Variants in CLN3 observed in about 807,000 individuals in gnomAD.
The protein encoded by CLN3 is battenin.
Under a neutral mutation model 60.7 loss-of-function variants are expected in CLN3, and 49 were observed. The observed-to-expected ratio is 0.81, with a 90% CI of 0.64 to 1.02. The LOEUF (loss-of-function observed/expected upper bound fraction) is 1.02. Ranked by LOEUF, CLN3 falls within the 50% of genes least tolerant of loss-of-function variation. The probability of loss-of-function intolerance (pLI) is 0.00; values close to 1 mark genes in which losing one functional copy is unlikely to be tolerated. For missense variants in CLN3, 516 were observed against 557.4 expected (o/e 0.93, Z 0.75); for synonymous variants, 256 against 245.8 (o/e 1.04, Z -0.39).
At chr16:28,486,555 C>T (rs776641955) in intron 8 of CLN3, 23 bp downstream of exon 8, 3 of 1,608,410 alleles carry the variant, frequency 1.9e-6, no homozygotes, top group Middle Eastern at 1.7e-4. Flanking sequence ...CCTCTCCCCA[C>T]ACTCCCTGCT....
In CLN3 at chr16:28,488,610, C is replaced by A; in HGVS notation, c.275G>T (p.Cys92Phe). ...IPHNSSSRFDCNSVSTAAVLL... is the reference protein window; with the variant it reads ...IPHNSSSRFDFNSVSTAAVLL... ...ACGCACAGCCGTAGAGACAGAGTTG[C>A]AGTCAAATCGTGATGAGCTGTTGTG... Residue 92 changes from cysteine (C) to phenylalanine (F), a missense_variant, in exon 5 of 16, where the codon TGC (cysteine) becomes TTC (phenylalanine). Physicochemically the swap from Cys to Phe is radical, Grantham distance 205. Coordinates refer to ENST00000636147, the MANE Select transcript of CLN3 (RefSeq NM_001042432.2). 1 of 1,614,166 alleles carries A rather than the reference C, an allele frequency of 6.2e-7. No individual in the cohort carries two copies. Among genetic ancestry groups the A allele is most frequent in the Non-Finnish European group, 8.5e-7 (1 of 1,180,014 alleles).
intron 9 of CLN3, chr16:28,484,790 AG>A (rs953275160): frequency 2.6e-5 from 4 of 152,244 alleles, no homozygotes; most frequent in African/African-American, 9.7e-5. Context: ...TTAGTCACTT[AG>A]GTTCTGGCTT....
Position 28,484,049 on chromosome 16 carries a change from G to C in CLN3, c.747C>G (p.Ala249=). 6.2e-7 allele frequency: 1 copy of C among 1,612,548 alleles called. No homozygotes were observed. The highest frequency in any genetic ancestry group is 8.5e-7 in the Non-Finnish European group (1 of 1,179,404). ...PGGEEEAESA[A]RQPLIRTEAP... ...CCTCGGTTCTTATGAGGGGCTGCCGGGCTGCGCTCTCTGCTTCTTCTTCCC... is the reference window on the plus strand; with the variant it reads ...CCTCGGTTCTTATGAGGGGCTGCCGCGCTGCGCTCTCTGCTTCTTCTTCCC... Residue 249 remains alanine (A), a synonymous_variant, in exon 10 of 16, where the codon GCC becomes GCG. Coordinates refer to ENST00000636147, the MANE Select transcript of CLN3 (RefSeq NM_001042432.2).
intron 3 of CLN3, chr16:28,491,080 AAAAAT>A: frequency 6.9e-6 from 1 of 143,918 alleles, no homozygotes; most frequent in South Asian, 1.9e-4. Context: ...AAAAAGAAAA[AAAAAT>A]AAGATAAAAT....
chr16:28,480,772 C>T (rs1030358204), intron 14 of CLN3, among the ~76,000 whole-genome samples: 3 of 152,156 alleles, frequency 2.0e-5, no homozygotes, highest in African/African-American at 7.2e-5. Context: ...TAACAGTTAC[C>T]TGCAGGGGCT....
At chr16:28,487,816 C>T in intron 5 of CLN3, 75 bp from the exon 6 acceptor site, 1 of 1,225,482 alleles carries the variant, frequency 8.2e-7, no homozygotes, top group African/African-American at 1.5e-5. Context: ...CAAGGAGAGG[C>T]AGGAGCTGGC....
Position 28,486,378 on chromosome 16 carries a change from T to C in CLN3, c.646A>G (p.Met216Val), listed in dbSNP as rs2046218124. ...AGCAGCAGGGCAGGGATACCCAGCA[T>C]GGACAGCAGGGTCTGCTGAGGGGAG... Reference protein sequence around the residue: ...GLSPQQTLLSMLGIPALLLAS... With the variant: ...GLSPQQTLLSVLGIPALLLAS... Residue 216 changes from methionine (M) to valine (V), a missense_variant, in exon 9 of 16, where the codon ATG (methionine) becomes GTG (valine). Met to Val is a conservative substitution (Grantham distance 21). Transcript: ENST00000636147. 4 of 1,612,802 alleles carry C rather than the reference T, an allele frequency of 2.5e-6. No individual in the cohort carries two copies. Among genetic ancestry groups the C allele is most frequent in the East Asian group, 2.2e-5 (1 of 44,880 alleles).
At chr16:28,469,603 A>C (rs1240440010), downstream of CLN3, 2 of 234,824 alleles carry the variant, frequency 8.5e-6, no homozygotes, top group Admixed American at 5.9e-5. Context: ...TCTCAAAAAA[A>C]TAAATAAATA....
chr16:28,488,060 A>C (rs776780830), intron 5 of CLN3: 33 of 286,878 alleles, frequency 1.2e-4, no homozygotes, highest in Non-Finnish European at 2.2e-4. Context: ...ATATATTTTG[A>C]GAGTGAGTCT....
intron 3 of CLN3, 66 bp downstream of exon 3, chr16:28,491,416 C>T (rs1376043353): frequency 5.3e-5 from 83 of 1,580,468 alleles, no homozygotes; most frequent in Non-Finnish European, 7.0e-5. Flanking sequence ...TCTTTCTTCC[C>T]CCTTTCCTCC....
chr16:28,489,308 T>C lies in CLN3; in HGVS notation c.204A>G (p.Thr68=), dbSNP rs1001999703. ...AAHDILSHKR[T]SGNQSHVDPG... is the part of the protein sequence containing the mutation. ...CACTTACATGGCTCTGGTTTCCCGA[T>C]GTCCTCTTGTGGCTAAGGATGTCGT... is the stretch of plus-strand genomic sequence containing the variant. The change falls in exon 4 of 16, where the codon ACA becomes ACG. Residue 68 remains threonine, a synonymous_variant. Coordinates refer to ENST00000636147, the MANE Select transcript of CLN3 (RefSeq NM_001042432.2). The C allele has an allele frequency of 5.6e-6, 9 of 1,613,234 alleles. No homozygotes were observed. The highest frequency in any genetic ancestry group is 1.1e-5 in the South Asian group (1 of 90,828).
chr16:28,477,395 C>A lies in CLN3; in HGVS notation c.*121G>T. ...AACAAGGCTTCAGCCCTTCCCTACT[C>A]CCAGACCTGCCGGGAAGGCTGGGAG... On this transcript the variant is annotated 3_prime_UTR_variant, in exon 16 of 16. Transcript: ENST00000636147. 2.1e-5 allele frequency: 29 copies of A among 1,400,908 alleles called. No homozygotes were observed. Among genetic ancestry groups the A allele is most frequent in the Non-Finnish European group, 2.7e-5 (27 of 1,003,164 alleles). The allele number at this position is 1,400,908 out of a possible 1,614,324, so 86.8% of individuals were successfully genotyped here. A position where few individuals can be genotyped will look rare whatever the true frequency, so the allele number is the denominator to read the frequency against.
chr16:28,475,211 C>A (rs1032864530), downstream of CLN3: 1 of 152,382 alleles, frequency 6.6e-6, no homozygotes, highest in African/African-American at 2.4e-5. Context: ...GATCATGCCA[C>A]TGTACTCCAG....
intron 6 of CLN3, 36 bp from the exon 7 acceptor site, chr16:28,487,577 G>A (rs777827050): frequency 1.8e-5 from 29 of 1,599,910 alleles, no homozygotes; most frequent in Non-Finnish European, 1.7e-5. Context: ...GGGGAAGGTC[G>A]GTCTCTACTC....
chr16:28,485,969 C>T (rs1489814874), intron 9 of CLN3, among the ~76,000 whole-genome samples: 2 of 151,538 alleles, frequency 1.3e-5, no homozygotes, highest in East Asian at 3.9e-4. Context: ...TTGAAGATTG[C>T]AATCATAATC....
At chr16:28,488,496 A>C in intron 5 of CLN3, 95 bp downstream of exon 5, 1 of 1,135,172 alleles carries the variant, frequency 8.8e-7, no homozygotes. Context: ...TGTTTTAATC[A>C]TGACAGTCCC....
intron 3 of CLN3, 51 bp downstream of exon 3, chr16:28,491,431 A>C (rs750650296): frequency 1.2e-6 from 2 of 1,603,736 alleles, no homozygotes; most frequent in South Asian, 2.2e-5. Context: ...TCCTCCGGTC[A>C]CTTCCCTCTT....
In CLN3 at chr16:28,487,715, G is replaced by A. The variant is rs1223699867; in HGVS notation, c.321C>T (p.Pro107=). The A allele has an allele frequency of 4.3e-6, 7 of 1,613,802 alleles. No homozygotes were observed. In the South Asian group the frequency reaches 6.6e-5, roughly 15 times the overall value. ...TAAVLLADIL[P]TLVIKLLAPL... The stretch of plus-strand genomic sequence containing the variant: ...GAGCCAACAATTTGATGACGAGTGT[G>A]GGGAGGATGTCCGCCAGGAGCACAG... The change falls in exon 6 of 16, where the codon CCC becomes CCT. Residue 107 remains proline, a synonymous_variant. Transcript: ENST00000636147.
Position 28,487,531 on chromosome 16 carries a change from G to C in CLN3, c.385C>G (p.Leu129Val). 1.2e-6 allele frequency: 2 copies of C among 1,613,944 alleles called. No individual in the cohort carries two copies. Among genetic ancestry groups the C allele is most frequent in the Non-Finnish European group, 1.7e-6 (2 of 1,179,972 alleles). Residue 129 changes from leucine to valine, a missense_variant, in exon 7 of 16, where the codon CTC (leucine) becomes GTC (valine). Physicochemically the swap from Leu to Val is conservative, Grantham distance 32 (BLOSUM62 1). Coordinates refer to ENST00000636147, the MANE Select transcript of CLN3 (RefSeq NM_001042432.2). ...CCAGCAGCACAAATCCCACTGACGAGAACCCGGGGGCTGAGGGGGTGAGAA... is the reference window on the plus strand; with the variant it reads ...CCAGCAGCACAAATCCCACTGACGACAACCCGGGGGCTGAGGGGGTGAGAA... ...LHLLPYSPRV[L>V]VSGICAAGSF... is the part of the protein sequence containing the mutation.
Sources: gnomAD v4.1 joint callset for allele counts (sites outside exome capture counted in the v4.1 genomes callset) on GRCh38, gnomAD v4.1.1 for gene constraint, MANE v1.5 for transcripts, NCBI Gene and HGNC (gene_info 2026-07-23, HGNC 2026-07-21) for gene names.